DYM: variants seen among roughly 807,000 people sequenced by gnomAD.
DYM encodes dyggve-Melchior-Clausen syndrome protein.
A neutral mutation model predicts 93.1 loss-of-function variants in DYM; 78 were observed. The observed-to-expected ratio is 0.84, with a 90% CI of 0.70 to 1.01. The LOEUF is 1.01. DYM is among the 50% of genes least tolerant of loss of function. The probability of loss-of-function intolerance (pLI) is 0.00; values close to 1 mark genes in which losing one functional copy is unlikely to be tolerated. For missense variants in DYM, 789 were observed against 845.0 expected (o/e 0.93, Z 0.82); for synonymous variants, 321 against 319.7 (o/e 1.00, Z -0.04).
At chr18:49,427,996 T>A (rs561376784) in intron 2 of DYM, among the ~76,000 whole-genome samples, 1 of 151,600 alleles carries the variant, frequency 6.6e-6, no homozygotes, top group South Asian at 2.1e-4. Context: ...GAAGGTGAAG[T>A]GGAAGGATCA....
chr18:49,275,312 A>G (rs1173386504), intron 10 of DYM, among the ~76,000 whole-genome samples: 1 of 151,794 alleles, frequency 6.6e-6, no homozygotes, highest in East Asian at 1.9e-4. Flanking sequence ...TCTCAATTCA[A>G]CTCCATTGAT....
At chr18:49,299,075 T>G (rs1268351824) in intron 8 of DYM, among the ~76,000 whole-genome samples, 1 of 152,144 alleles carries the variant, frequency 6.6e-6, no homozygotes, top group Non-Finnish European at 1.5e-5. Flanking sequence ...TCCCAGAAAC[T>G]TCATTCCATA....
intron 1 of DYM, among the ~76,000 whole-genome samples, chr18:49,449,999 AAC>A (rs1293383103): frequency 1.3e-5 from 2 of 152,232 alleles, no homozygotes; most frequent in Non-Finnish European, 2.9e-5. Flanking sequence ...GGCTTATAAA[AAC>A]AGTGAAATGT....
chr18:49,209,682 A>G lies in DYM; in HGVS notation c.1494T>C (p.Tyr498=), dbSNP rs1430082050. The G allele has an allele frequency of 7.8e-7, 1 of 1,287,244 alleles. No homozygotes were observed. The highest frequency in any genetic ancestry group is 5.6e-5 in the East Asian group (1 of 17,954). 79.7% of individuals were successfully genotyped at this position (1,287,244 alleles called of 1,614,324 possible). A position where few individuals can be genotyped will look rare whatever the true frequency, so the allele number is the denominator to read the frequency against. Reference sequence around the variant, plus strand: ...GGGGGAAATACAGTTTGTCCAACACATAAACATATCTCCGCAAGTGGCGGC... The same window carrying G: ...GGGGGAAATACAGTTTGTCCAACACGTAAACATATCTCCGCAAGTGGCGGC... ...YTCRHLRRYV[Y]VLDKLYFPHS... is the part of the protein sequence containing the mutation. Residue 498 remains tyrosine (Y), a synonymous_variant, in exon 14 of 18, where the codon TAT becomes TAC. Transcript: ENST00000675505.
chr18:49,305,661 A>G (rs1437538349), intron 8 of DYM, among the ~76,000 whole-genome samples: 1 of 152,216 alleles, frequency 6.6e-6, no homozygotes, highest in Non-Finnish European at 1.5e-5. Context: ...CATTTAATAA[A>G]TATTTGTGGA....
chr18:49,273,484 C>T (rs1002949327), intron 10 of DYM, among the ~76,000 whole-genome samples: 7 of 152,128 alleles, frequency 4.6e-5, no homozygotes, highest in African/African-American at 9.7e-5. Flanking sequence ...CATAACATTT[C>T]CATTAACAAC....
At chr18:49,045,757 C>G (rs567085954) in intron 17 of DYM, among the ~76,000 whole-genome samples, 1 of 152,098 alleles carries the variant, frequency 6.6e-6, no homozygotes, top group Non-Finnish European at 1.5e-5. Flanking sequence ...CCCTGGAGGG[C>G]CCCGCACAGG....
At chr18:49,072,991 G>A (rs1052398099) in intron 17 of DYM, among the ~76,000 whole-genome samples, 8 of 152,138 alleles carry the variant, frequency 5.3e-5, no homozygotes, top group South Asian at 4.1e-4. Flanking sequence ...AACTCCCCTC[G>A]TCCAACCAAA....
intron 8 of DYM, among the ~76,000 whole-genome samples, chr18:49,324,687 T>A (rs2062762393): frequency 6.6e-6 from 1 of 152,238 alleles, no homozygotes; most frequent in Admixed American, 6.5e-5. Flanking sequence ...TTGTCTTATA[T>A]AAATTTGTCC....
rs1313687351 is a variant in DYM, at chr18:49,036,640, C to G, written c.*7415G>C. On this transcript the variant is annotated 3_prime_UTR_variant, in exon 18 of 18. Transcript: ENST00000675505. ...GACCACAGCTCACTGCAGCCTCTAC[C>G]TCCTGGGCTCAGGTAATCCTCCTAC... Among the ~76,000 whole-genome samples, 2 of 152,148 alleles carry G rather than the reference C, an allele frequency of 1.3e-5. No individual in the cohort carries two copies. Among genetic ancestry groups the G allele is most frequent in the Admixed American group, 1.3e-4 (2 of 15,268 alleles).
intron 6 of DYM, among the ~76,000 whole-genome samples, chr18:49,342,983 C>G (rs2064282427): frequency 6.6e-6 from 1 of 152,296 alleles, no homozygotes; most frequent in South Asian, 2.1e-4. Flanking sequence ...CAATGAAGCA[C>G]AGCTTCAAAT....
intron 14 of DYM, among the ~76,000 whole-genome samples, chr18:49,186,240 A>C (rs1217036912): frequency 1.3e-4 from 20 of 152,150 alleles, no homozygotes; most frequent in Admixed American, 1.3e-3. Flanking sequence ...AATGAAACTT[A>C]CTGAACTGCT....
intron 15 of DYM, among the ~76,000 whole-genome samples, chr18:49,141,933 A>C (rs2084543411): frequency 6.6e-6 from 1 of 151,996 alleles, no homozygotes; most frequent in African/African-American, 2.4e-5. Context: ...CGCTCACTGC[A>C]AGCTCTGCCC....
chr18:49,297,176 G>A (rs2060617234), intron 8 of DYM, among the ~76,000 whole-genome samples: 1 of 152,220 alleles, frequency 6.6e-6, no homozygotes. Context: ...GGCACTAGGA[G>A]ATGGGTACTT....
intron 17 of DYM, among the ~76,000 whole-genome samples, chr18:49,086,680 G>A (rs994148954): frequency 6.6e-6 from 1 of 152,080 alleles, no homozygotes; most frequent in Non-Finnish European, 1.5e-5. Context: ...CCTCATGAAG[G>A]GGATTAGTGC....
chr18:49,302,792 C>G (rs560791038), intron 8 of DYM, among the ~76,000 whole-genome samples: 2 of 152,168 alleles, frequency 1.3e-5, no homozygotes, highest in African/African-American at 2.4e-5. Context: ...CAGAATGCTA[C>G]GCAGATTTGC....
At chr18:49,426,790 T>TGTGTGTGTGA (rs2074340703) in intron 2 of DYM, among the ~76,000 whole-genome samples, 1 of 139,510 alleles carries the variant, frequency 7.2e-6, no homozygotes, top group East Asian at 2.0e-4. Flanking sequence ...TGTGTGTGTG[T>TGTGTGTGTGA]GAATTTACCC....
chr18:49,286,479 G>A lies in DYM; in HGVS notation c.901C>T (p.Pro301Ser). 5 of 1,614,160 alleles carry A rather than the reference G, an allele frequency of 3.1e-6. No individual in the cohort carries two copies. Among genetic ancestry groups the A allele is most frequent in the Non-Finnish European group, 3.4e-6 (4 of 1,179,996 alleles). The change falls in exon 9 of 18, where the codon CCA becomes TCA. Residue 301 changes from proline to serine, a missense_variant. Physicochemically the swap from Pro to Ser is moderately conservative, Grantham distance 74. Coordinates refer to ENST00000675505, the MANE Select transcript of DYM (RefSeq NM_001353214.3). ...LANLTDASDA[P>S]NPYRQAIMSF... ...ATAATGGCTTGTCTGTAGGGGTTTG[G>A]CGCATCTGAGGCATCTGTCAGATTG...
chr18:49,227,518 G>A (rs909786019), intron 13 of DYM, among the ~76,000 whole-genome samples: 5 of 152,096 alleles, frequency 3.3e-5, no homozygotes, highest in African/African-American at 1.2e-4. Flanking sequence ...CCATCTCAGA[G>A]TCATTTTTCA....
Sources: gnomAD v4.1 joint callset for allele counts (sites outside exome capture counted in the v4.1 genomes callset) on GRCh38, gnomAD v4.1.1 for gene constraint, MANE v1.5 for transcripts, NCBI Gene and HGNC (gene_info 2026-07-23, HGNC 2026-07-21) for gene names.